The following KITLG variants were observed in gnomAD, a reference collection of about 807,000 sequenced individuals.
KITLG encodes the protein c-Kit ligand.
KITLG carries 13 observed loss-of-function variants against 34.1 expected under a neutral mutation model. The observed-to-expected ratio is 0.38, with a 90% confidence interval of 0.25 to 0.61. The LOEUF is 0.61. Among genes scored for constraint, KITLG ranks in the 20% least tolerant of loss-of-function variants. The probability of loss-of-function intolerance (pLI) is 0.60; values close to 1 mark genes in which losing one functional copy is unlikely to be tolerated. For missense variants in KITLG, 292 were observed against 318.9 expected (o/e 0.92, Z 0.64); for synonymous variants, 110 against 104.0 (o/e 1.06, Z -0.35).
chr12:88,543,088 G>T (rs533250676), intron 2 of KITLG, among the ~76,000 whole-genome samples: 8 of 152,000 alleles, frequency 5.3e-5, no homozygotes, highest in African/African-American at 1.9e-4. Flanking sequence ...GTAGTTTCTT[G>T]GTGTAGTCCC....
chr12:88,558,698 T>C (rs1008792867), intron 1 of KITLG, among the ~76,000 whole-genome samples: 1 of 152,212 alleles, frequency 6.6e-6, no homozygotes, highest in Non-Finnish European at 1.5e-5. Flanking sequence ...GATTCCTGCA[T>C]GTCAGAGGGA....
chr12:88,550,452 C>T (rs932650392), intron 1 of KITLG, among the ~76,000 whole-genome samples: 5 of 152,122 alleles, frequency 3.3e-5, no homozygotes, highest in African/African-American at 1.2e-4. Flanking sequence ...TCAATGCTAT[C>T]AGGCAGAGCG....
intron 4 of KITLG, among the ~76,000 whole-genome samples, chr12:88,518,204 C>A (rs558222663): frequency 1.3e-5 from 2 of 152,208 alleles, no homozygotes; most frequent in African/African-American, 4.8e-5. Context: ...CTCTTATTTT[C>A]TGGAGTACAT....
At chr12:88,514,484 T>C (rs947741911) in intron 6 of KITLG, among the ~76,000 whole-genome samples, 8 of 151,614 alleles carry the variant, frequency 5.3e-5, no homozygotes, top group Non-Finnish European at 8.9e-5. Context: ...GCTACGTAAT[T>C]TAGAATTTTA....
chr12:88,512,897 T>G (rs1376596727), intron 6 of KITLG, among the ~76,000 whole-genome samples: 1 of 151,838 alleles, frequency 6.6e-6, no homozygotes, highest in Non-Finnish European at 1.5e-5. Context: ...TGCTATAGAA[T>G]GTTTTTCAGC....
intron 6 of KITLG, among the ~76,000 whole-genome samples, chr12:88,513,859 T>A (rs1430387330): frequency 6.6e-6 from 1 of 151,648 alleles, no homozygotes; most frequent in Non-Finnish European, 1.5e-5. Flanking sequence ...TAATAAAAAT[T>A]AGACAAAAAG....
At chr12:88,555,976 C>T (rs1321994421) in intron 1 of KITLG, among the ~76,000 whole-genome samples, 3 of 152,010 alleles carry the variant, frequency 2.0e-5, no homozygotes, top group Non-Finnish European at 4.4e-5. Flanking sequence ...GCCCCAAGTA[C>T]AGCTAAACCT....
intron 8 of KITLG, 140 bp downstream of exon 8, chr12:88,506,171 A>G (rs1370213127): frequency 1.5e-6 from 1 of 689,568 alleles, no homozygotes; most frequent in Non-Finnish European, 2.7e-6. Flanking sequence ...GACATCAGAA[A>G]CATGGATAGA....
intron 2 of KITLG, among the ~76,000 whole-genome samples, chr12:88,538,849 C>A (rs185938569): frequency 5.9e-5 from 9 of 152,292 alleles, no homozygotes; most frequent in African/African-American, 2.2e-4. Flanking sequence ...GATGTCAATA[C>A]TATGCCAGAT....
At chr12:88,515,875 C>T (rs1027876226) in intron 5 of KITLG, among the ~76,000 whole-genome samples, 4 of 151,394 alleles carry the variant, frequency 2.6e-5, no homozygotes, top group Non-Finnish European at 5.9e-5. Context: ...GGTAATTTCT[C>T]ATTAAAAAAA....
chr12:88,559,347 T>C (rs893767494), intron 1 of KITLG, among the ~76,000 whole-genome samples: 2 of 152,200 alleles, frequency 1.3e-5, no homozygotes, highest in Non-Finnish European at 2.9e-5. Flanking sequence ...ATTGGCTTAG[T>C]TGGTACTGCG....
At chr12:88,578,758 G>A (rs1871911668) in intron 1 of KITLG, among the ~76,000 whole-genome samples, 1 of 152,158 alleles carries the variant, frequency 6.6e-6, no homozygotes, top group African/African-American at 2.4e-5. Context: ...GAAGGTAGCA[G>A]CTTCTTCCCC....
chr12:88,506,403 CT>C, intron 7 of KITLG, 25 bp from the exon 8 acceptor site: 1 of 1,512,150 alleles, frequency 6.6e-7, no homozygotes, highest in Non-Finnish European at 9.2e-7. Context: ...AAGACATATA[CT>C]GTAAAATAAT....
At chr12:88,497,396 A>G (rs572458397) in intron 9 of KITLG, among the ~76,000 whole-genome samples, 2 of 152,224 alleles carry the variant, frequency 1.3e-5, no homozygotes, top group African/African-American at 2.4e-5. Context: ...ATCTGAAACA[A>G]TCTTACTTTT....
intron 1 of KITLG, among the ~76,000 whole-genome samples, chr12:88,568,280 C>CATTT (rs59218602): frequency 0.086 from 12,570 of 146,950 alleles, 1,321 homozygotes; most frequent in African/African-American, 0.25. Flanking sequence ...CATATTATCT[C>CATTT]ATTTATTTAT....
chr12:88,545,243 G>A (rs1870678534), intron 2 of KITLG, among the ~76,000 whole-genome samples: 1 of 152,174 alleles, frequency 6.6e-6, no homozygotes, highest in Non-Finnish European at 1.5e-5. Context: ...CAACATGTGG[G>A]CAATGAATCA....
chr12:88,521,193 C>A (rs956586589), intron 3 of KITLG, among the ~76,000 whole-genome samples: 1 of 151,934 alleles, frequency 6.6e-6, no homozygotes, highest in South Asian at 2.1e-4. Flanking sequence ...TTTTAAGATT[C>A]TTGAGTTTAT....
At chr12:88,573,714 T>C (rs373214484) in intron 1 of KITLG, among the ~76,000 whole-genome samples, 10 of 152,228 alleles carry the variant, frequency 6.6e-5, no homozygotes, top group East Asian at 1.9e-4. Flanking sequence ...CAACCTGTGC[T>C]CTTTCTTCCC....
At chr12:88,553,112 T>G (rs1480997200) in intron 1 of KITLG, among the ~76,000 whole-genome samples, 1 of 147,800 alleles carries the variant, frequency 6.8e-6, no homozygotes, top group African/African-American at 2.5e-5. Flanking sequence ...AGTATGACCT[T>G]TAGCACATGA....
Sources: gnomAD v4.1 joint callset for allele counts (sites outside exome capture counted in the v4.1 genomes callset) on GRCh38, gnomAD v4.1.1 for gene constraint, MANE v1.5 for transcripts, NCBI Gene and HGNC (gene_info 2026-07-23, HGNC 2026-07-21) for gene names.